Variants in PCDHGB3 observed in about 807,000 individuals in gnomAD.
PCDHGB3 encodes the protein protocadherin gamma-B3.
PCDHGB3 carries 40 observed loss-of-function variants against 59.2 expected under a neutral mutation model. The ratio of observed to expected loss-of-function variants is 0.68; its 90% CI spans 0.52 to 0.88. The LOEUF (loss-of-function observed/expected upper bound fraction) is 0.88. PCDHGB3 is among the 40% of genes least tolerant of loss of function. The probability of loss-of-function intolerance (pLI) is 0.00; values close to 1 mark genes in which losing one functional copy is unlikely to be tolerated. For synonymous variants in PCDHGB3, 581 were observed against 503.6 expected (o/e 1.15, Z -2.06); for missense variants, 1,309 against 1,187.9 (o/e 1.10, Z -1.50).
intron 1 of PCDHGB3, chr5:141,421,720 G>T: frequency 6.2e-7 from 1 of 1,613,906 alleles, no homozygotes. Context: ...AGATGTGGGC[G>T]TGAACTCCCT....
chr5:141,439,487 G>A lies in PCDHGB3; in HGVS notation c.2416-55320G>A, dbSNP rs11952418. 8.3e-3 allele frequency among the ~76,000 whole-genome samples: 1,269 copies of A among 152,266 alleles called. 16 individuals are homozygous for A. Among genetic ancestry groups the A allele is most frequent in the African/African-American group, 0.029 (1,205 of 41,540 alleles). Reference sequence around the variant, plus strand: ...GCTGCCTTTCAGCTTGCAAATTCCAGTGAGAAACGTCTTTCTCTCTGCTCT... The same window carrying A: ...GCTGCCTTTCAGCTTGCAAATTCCAATGAGAAACGTCTTTCTCTCTGCTCT... On this transcript the variant is annotated intron_variant, in intron 1 of 3. Coordinates refer to ENST00000576222, the MANE Select transcript of PCDHGB3 (RefSeq NM_018924.5).
intron 1 of PCDHGB3, among the ~76,000 whole-genome samples, chr5:141,481,676 G>A (rs975849679): frequency 3.3e-5 from 5 of 152,028 alleles, no homozygotes; most frequent in Admixed American, 1.3e-4. Flanking sequence ...AAATCAGGCC[G>A]GGCCTGGTGG....
chr5:141,415,322 T>G (rs1226384298), intron 1 of PCDHGB3: 2 of 1,614,104 alleles, frequency 1.2e-6, no homozygotes, highest in South Asian at 2.2e-5. Flanking sequence ...ATCGTGCTGC[T>G]GGCGCACAGG....
In PCDHGB3 at chr5:141,372,409, A is replaced by C; in HGVS notation, c.2015A>C (p.Gln672Pro). Residue 672 changes from glutamine to proline, a missense_variant, in exon 1 of 4, where the codon CAA (glutamine) becomes CCA (proline). Physicochemically the swap from Gln to Pro is moderately conservative, Grantham distance 76 (BLOSUM62 -1). Coordinates refer to ENST00000576222, the MANE Select transcript of PCDHGB3 (RefSeq NM_018924.5). ...LIFADSLQEI[Q>P]PDLSDRPTPS... ...TTCGCAGATAGCTTGCAAGAGATAC[A>C]ACCTGACCTTAGCGACCGCCCCACT... The C allele has an allele frequency of 6.2e-7, 1 of 1,614,038 alleles. No individual in the cohort carries two copies. The highest frequency in any genetic ancestry group is 1.1e-5 in the South Asian group (1 of 91,086).
intron 1 of PCDHGB3, among the ~76,000 whole-genome samples, chr5:141,438,935 G>A (rs1306603362): frequency 6.6e-6 from 1 of 151,810 alleles, no homozygotes; most frequent in African/African-American, 2.4e-5. Context: ...CAAAGTGCTG[G>A]GATTATAGGC....
At chr5:141,438,366 G>A (rs749623408) in intron 1 of PCDHGB3, among the ~76,000 whole-genome samples, 6 of 151,462 alleles carry the variant, frequency 4.0e-5, no homozygotes, top group Non-Finnish European at 7.4e-5. Context: ...TTGTCATTGA[G>A]GGCAGATATA....
intron 1 of PCDHGB3, chr5:141,385,344 A>G (rs1444885751): frequency 6.4e-7 from 1 of 1,567,338 alleles, no homozygotes. Context: ...CCCTTCCTTT[A>G]TTTCCATGAG....
chr5:141,505,911 A>C (rs2099849083), intron 3 of PCDHGB3, among the ~76,000 whole-genome samples: 1 of 152,154 alleles, frequency 6.6e-6, no homozygotes, highest in South Asian at 2.1e-4. Flanking sequence ...CAAAGCATAG[A>C]GTTCTGGGCC....
intron 1 of PCDHGB3, among the ~76,000 whole-genome samples, chr5:141,386,669 A>T (rs774102519): frequency 4.6e-5 from 7 of 152,086 alleles, no homozygotes; most frequent in Admixed American, 1.3e-4. Flanking sequence ...CAGTGTTCAC[A>T]TTTCAGATGT....
At chr5:141,403,721 C>G (rs748888364) in intron 1 of PCDHGB3, 2 of 1,613,872 alleles carry the variant, frequency 1.2e-6, no homozygotes, top group East Asian at 2.2e-5. Flanking sequence ...GAACGTGCCC[C>G]CAGGCACCTG....
rs981279976 is a variant in PCDHGB3, at chr5:141,370,251, A to G, written c.-144A>G. ...AGCTCGGAAGAAAAGTGCACTCTCTATCAGGCTTCCTGCAGCGGAGACACC... is the reference window on the plus strand; with the variant it reads ...AGCTCGGAAGAAAAGTGCACTCTCTGTCAGGCTTCCTGCAGCGGAGACACC... On this transcript the variant is annotated 5_prime_UTR_variant, in exon 1 of 4. Transcript: ENST00000576222. 3 of 695,796 alleles carry G rather than the reference A, an allele frequency of 4.3e-6. No homozygotes were observed. Among genetic ancestry groups the G allele is most frequent in the Non-Finnish European group, 6.9e-6 (3 of 436,070 alleles). The allele number at this position is 695,796 out of a possible 1,614,324, so 43.1% of individuals were successfully genotyped here. A position where few individuals can be genotyped will look rare whatever the true frequency, so the allele number is the denominator to read the frequency against.
rs1002764667 is a variant in PCDHGB3, at chr5:141,468,260, G to A, written c.2416-26547G>A. 4.0e-5 allele frequency among the ~76,000 whole-genome samples: 6 copies of A among 150,102 alleles called. No homozygotes were observed. The East Asian group carries it at 1.2e-3, about 30-fold the overall frequency. ...GAATTGCCTGAACCTGGGAGGCAGA[G>A]GTTGTGGTGAGCCGAGACCACGCCA... On this transcript the variant is annotated intron_variant, in intron 1 of 3. Coordinates refer to ENST00000576222, the MANE Select transcript of PCDHGB3 (RefSeq NM_018924.5).
intron 1 of PCDHGB3, chr5:141,393,401 G>C: frequency 6.2e-7 from 1 of 1,614,036 alleles, no homozygotes; most frequent in South Asian, 1.1e-5. Context: ...AGCTGGTGCT[G>C]GAGCGCGCCC....
In PCDHGB3 at chr5:141,491,561, A is replaced by G. The variant is rs1289732955; in HGVS notation, c.2416-3246A>G. ...CCCACAGACTCGCAGAGCCACTGCT[A>G]CAGGACGTGCTTTTCACCGGCCTCG... On this transcript the variant is annotated intron_variant, in intron 1 of 3. Transcript: ENST00000576222. The surrounding 1 kb of genome is among the most constrained non-coding windows in gnomAD (Gnocchi z 6.9). The G allele has an allele frequency of 6.2e-7, 1 of 1,613,938 alleles. No homozygotes were observed. Among genetic ancestry groups the G allele is most frequent in the Non-Finnish European group, 8.5e-7 (1 of 1,180,018 alleles).
chr5:141,389,649 G>T (rs760551875), intron 1 of PCDHGB3: 16 of 1,612,598 alleles, frequency 9.9e-6, no homozygotes, highest in Non-Finnish European at 1.4e-5. Flanking sequence ...GGTGACCAAG[G>T]TAGTGGCGGT....
intron 1 of PCDHGB3, chr5:141,388,316 G>A: frequency 6.2e-7 from 1 of 1,613,866 alleles, no homozygotes; most frequent in South Asian, 1.1e-5. Flanking sequence ...AAATAAGTGA[G>A]TCTGCACAGC....
chr5:141,405,797 T>C (rs1589594153), intron 1 of PCDHGB3, among the ~76,000 whole-genome samples: 1 of 148,508 alleles, frequency 6.7e-6, no homozygotes, highest in Non-Finnish European at 1.5e-5. Flanking sequence ...CTATTATAGT[T>C]AGCTTTCTCT....
intron 1 of PCDHGB3, chr5:141,408,068 C>G: frequency 7.3e-7 from 1 of 1,367,282 alleles, no homozygotes; most frequent in Non-Finnish European, 9.7e-7. Flanking sequence ...GCTGCGCAGA[C>G]CTTTCCCAGC....
At chr5:141,456,873 G>A (rs2098894054) in intron 1 of PCDHGB3, among the ~76,000 whole-genome samples, 1 of 152,152 alleles carries the variant, frequency 6.6e-6, no homozygotes, top group Non-Finnish European at 1.5e-5. Context: ...TGAGGCAGGA[G>A]AATCGCTTGA....
Sources: gnomAD v4.1 joint callset for allele counts (sites outside exome capture counted in the v4.1 genomes callset) on GRCh38, gnomAD v4.1.1 for gene constraint, Gnocchi (gnomAD v3.1) non-coding constraint, MANE v1.5 for transcripts, NCBI Gene and HGNC (gene_info 2026-07-23, HGNC 2026-07-21) for gene names.